The following MTCH2 variants were observed in gnomAD, a reference collection of about 807,000 sequenced individuals.
The protein encoded by MTCH2 is mitochondrial carrier homolog 2.
A neutral mutation model predicts 50.6 loss-of-function variants in MTCH2; 25 were observed. The ratio of observed to expected loss-of-function variants is 0.49; its 90% confidence interval spans 0.36 to 0.69. The LOEUF (loss-of-function observed/expected upper bound fraction) is 0.69. Among genes scored for constraint, MTCH2 ranks in the 30% least tolerant of loss-of-function variants. The pLI, the probability that MTCH2 is intolerant of heterozygous loss-of-function variation, is 0.00. For missense variants in MTCH2, 273 were observed against 384.4 expected, an observed-to-expected ratio of 0.71 and a Z score of 2.42; for synonymous variants, 106 against 132.0, an observed-to-expected ratio of 0.80 and a Z score of 1.35.
At chr11:47,625,547 CCT>C in intron 11 of MTCH2, 125 bp downstream of exon 11, 1 of 715,902 alleles carries the variant, frequency 1.4e-6, no homozygotes, top group Non-Finnish European at 2.3e-6. Context: ...TTCCTCCCCC[CCT>C]TTTTAAAAAA....
At chr11:47,638,490 G>C (rs1338482483) in intron 3 of MTCH2, among the ~76,000 whole-genome samples, 6 of 120,916 alleles carry the variant, frequency 5.0e-5, no homozygotes, top group African/African-American at 1.6e-4. Flanking sequence ...AGTTTGCAGT[G>C]AGCCCAGATC....
chr11:47,609,901 C>T, the MTCH2 span, among the ~76,000 whole-genome samples: 1 of 152,164 alleles, frequency 6.6e-6, no homozygotes, highest in African/African-American at 2.4e-5. Flanking sequence ...GTGACAAATT[C>T]AGAGGCGTTT....
the MTCH2 span, among the ~76,000 whole-genome samples, chr11:47,610,654 G>A: frequency 5.3e-5 from 8 of 152,160 alleles, no homozygotes; most frequent in African/African-American, 1.9e-4. Flanking sequence ...GCAGTGAGCC[G>A]AGATCGAGCC....
the MTCH2 span, among the ~76,000 whole-genome samples, chr11:47,610,220 A>G: frequency 6.6e-6 from 1 of 152,210 alleles, no homozygotes; most frequent in Non-Finnish European, 1.5e-5. Flanking sequence ...GCAGAAATCC[A>G]GCTTTGAAGA....
chr11:47,637,625 T>C (rs554841889), intron 3 of MTCH2, among the ~76,000 whole-genome samples: 1 of 152,270 alleles, frequency 6.6e-6, no homozygotes, highest in South Asian at 2.1e-4. Flanking sequence ...AATAAAATTA[T>C]CAATTGAGAG....
At chr11:47,630,972 A>C in intron 7 of MTCH2, 64 bp downstream of exon 7, 1 of 1,247,204 alleles carries the variant, frequency 8.0e-7, no homozygotes, top group Non-Finnish European at 1.2e-6. Flanking sequence ...AATACAAAGT[A>C]GTATTATTCT....
At chr11:47,604,747 C>T in the MTCH2 span, among the ~76,000 whole-genome samples, 1 of 152,012 alleles carries the variant, frequency 6.6e-6, no homozygotes, top group Non-Finnish European at 1.5e-5. Flanking sequence ...ATGAAATAAT[C>T]GCTAAGAAAT....
chr11:47,607,681 C>T, the MTCH2 span, among the ~76,000 whole-genome samples: 2 of 152,178 alleles, frequency 1.3e-5, no homozygotes, highest in Non-Finnish European at 2.9e-5. Flanking sequence ...TCTAAGAAGC[C>T]ATGTGAGTGG....
intron 1 of MTCH2, among the ~76,000 whole-genome samples, chr11:47,640,541 GA>G (rs2097313135): frequency 1.3e-5 from 2 of 151,976 alleles, no homozygotes; most frequent in African/African-American, 4.8e-5. Context: ...TCAGCCTCCT[GA>G]GTAGCTGGGA....
intron 9 of MTCH2, among the ~76,000 whole-genome samples, chr11:47,627,641 T>C (rs894590122): frequency 6.6e-6 from 1 of 151,782 alleles, no homozygotes; most frequent in Admixed American, 6.6e-5. Flanking sequence ...TTTTTTTTTT[T>C]TTTGAGACAG....
chr11:47,618,748 G>T lies in MTCH2; in HGVS notation c.*85C>A. 2.3e-6 allele frequency: 3 copies of T among 1,323,956 alleles called. No homozygotes were observed. Among genetic ancestry groups the T allele is most frequent in the Non-Finnish European group, 1.1e-6 (1 of 922,750 alleles). 82.0% of individuals were successfully genotyped at this position (1,323,956 alleles called of 1,614,324 possible). A position where few individuals can be genotyped will look rare whatever the true frequency, so the allele number is the denominator to read the frequency against. On this transcript the variant is annotated 3_prime_UTR_variant, in exon 13 of 13. Transcript: ENST00000302503. ...GATTAAATGATTATTAAAAAAGCGCGCCACACTGTATAGAAATCAACATTC... is the reference window on the plus strand; with the variant it reads ...GATTAAATGATTATTAAAAAAGCGCTCCACACTGTATAGAAATCAACATTC...
chr11:47,628,058 C>T (rs1352806847), intron 9 of MTCH2, among the ~76,000 whole-genome samples: 1 of 152,136 alleles, frequency 6.6e-6, no homozygotes, highest in Non-Finnish European at 1.5e-5. Flanking sequence ...TAGCTTTCTA[C>T]CAGATGCGTT....
chr11:47,635,469 C>T, intron 4 of MTCH2, 76 bp downstream of exon 4: 1 of 1,524,744 alleles, frequency 6.6e-7, no homozygotes, highest in Non-Finnish European at 9.1e-7. Context: ...CTTGGCTTTT[C>T]TCCAAAAGAG....
At chr11:47,625,811 A>G (rs1217177989) in intron 10 of MTCH2, 70 bp from the exon 11 acceptor site, 1 of 1,274,014 alleles carries the variant, frequency 7.8e-7, no homozygotes, top group Non-Finnish European at 1.1e-6. Context: ...CTTTACCTTA[A>G]AGGCCTAGTG....
intron 5 of MTCH2, among the ~76,000 whole-genome samples, chr11:47,634,050 C>T (rs1008206496): frequency 6.6e-6 from 1 of 152,070 alleles, no homozygotes; most frequent in South Asian, 2.1e-4. Context: ...TAGATACTAT[C>T]CAACATACAA....
the MTCH2 span, among the ~76,000 whole-genome samples, chr11:47,606,555 G>A: frequency 1.3e-5 from 2 of 152,160 alleles, no homozygotes; most frequent in African/African-American, 2.4e-5. Flanking sequence ...CAGCAAATGC[G>A]ATAGCCTAAT....
chr11:47,609,900 T>C, the MTCH2 span, among the ~76,000 whole-genome samples: 1,015 of 152,286 alleles, frequency 6.7e-3, 28 homozygotes, highest in Admixed American at 0.055. Context: ...GGTGACAAAT[T>C]CAGAGGCGTT....
At chr11:47,621,467 C>G (rs1022429995) in intron 12 of MTCH2, among the ~76,000 whole-genome samples, 16 of 148,720 alleles carry the variant, frequency 1.1e-4, no homozygotes, top group African/African-American at 4.0e-4. Context: ...GAGTCTTGCT[C>G]TGTCACCCAG....
In MTCH2 at chr11:47,617,428, T is replaced by C. The variant is rs1434707758; in HGVS notation, c.*1405A>G. ...GTAATATTGAAATAGTATATAAAATTGACATTACTTTTTGAGACAAAGGAA... is the reference window on the plus strand; with the variant it reads ...GTAATATTGAAATAGTATATAAAATCGACATTACTTTTTGAGACAAAGGAA... On this transcript the variant is annotated 3_prime_UTR_variant, in exon 13 of 13. Transcript: ENST00000302503. 6.6e-6 allele frequency: 1 copy of C among 152,244 alleles called. No individual in the cohort carries two copies. Among genetic ancestry groups the C allele is most frequent in the Non-Finnish European group, 1.5e-5 (1 of 68,028 alleles). The allele number at this position is 152,244 out of a possible 1,614,324, so 9.4% of individuals were successfully genotyped here.
Sources: gnomAD v4.1 joint callset for allele counts (sites outside exome capture counted in the v4.1 genomes callset) on GRCh38, gnomAD v4.1.1 for gene constraint, MANE v1.5 for transcripts, NCBI Gene and HGNC (gene_info 2026-07-23, HGNC 2026-07-21) for gene names.